TPD52: variants seen among roughly 807,000 people sequenced by gnomAD.
The protein encoded by TPD52 is tumor protein D52, also known as prostate and colon associated protein.
TPD52 carries 17 observed loss-of-function variants against 31.3 expected under a neutral mutation model. That is an observed-to-expected ratio of 0.54 (90% CI 0.37 to 0.82). The LOEUF is 0.82. TPD52 is among the 40% of genes least tolerant of loss of function. TPD52 has a pLI of 0.00. For synonymous variants in TPD52, 83 were observed against 89.6 expected (o/e 0.93, Z 0.42); for missense variants, 212 against 240.1 (o/e 0.88, Z 0.77).
Position 80,166,570 on chromosome 8 carries a change from A to T in TPD52, c.19+4855T>A, listed in dbSNP as rs530642301. Among the ~76,000 whole-genome samples, 225 of 151,434 alleles carry T rather than the reference A, an allele frequency of 1.5e-3. 1 individual carries two copies. The highest frequency in any genetic ancestry group is 5.2e-3 in the African/African-American group (215 of 41,380). On this transcript the variant is annotated intron_variant, in intron 1 of 7. Transcript: ENST00000518937. ...TTTTAAATACATTTAGGGTTTTTTT[A>T]AAAGGGCAAGTTATAAAATGCAATA...
chr8:80,143,287 G>A (rs1279242926), intron 1 of TPD52, among the ~76,000 whole-genome samples: 3 of 152,150 alleles, frequency 2.0e-5, no homozygotes, highest in African/African-American at 7.2e-5. Context: ...TATCCAGAAT[G>A]AGAAGGTCTA....
rs758843111 is a variant in TPD52 at position 80,076,820 on chromosome 8, T to C, written c.20-12227A>G. Among the ~76,000 whole-genome samples, 5 of 152,020 alleles carry C rather than the reference T, an allele frequency of 3.3e-5. 1 individual carries two copies. The South Asian group carries it at 6.2e-4, about 19-fold the overall frequency. On this transcript the variant is annotated intron_variant, in intron 1 of 7. Transcript: ENST00000518937. ...CCAAGTAGCTGGGACCACAGACGTGTGCCACCATGCCCGATTAATTCTTTT... is the reference window on the plus strand; with the variant it reads ...CCAAGTAGCTGGGACCACAGACGTGCGCCACCATGCCCGATTAATTCTTTT...
intron 1 of TPD52, chr8:80,080,506 G>A: frequency 6.2e-7 from 1 of 1,602,498 alleles, no homozygotes; most frequent in Non-Finnish European, 8.5e-7. Context: ...TCAGCCTTCA[G>A]TTGAGTGCCG....
chr8:80,140,978 T>C (rs1278566222), intron 1 of TPD52, among the ~76,000 whole-genome samples: 1 of 151,824 alleles, frequency 6.6e-6, no homozygotes, highest in Non-Finnish European at 1.5e-5. Context: ...TGTGTGTGTG[T>C]GTGTGTAGAA....
Position 80,164,898 on chromosome 8 carries a change from C to CA in TPD52, c.19+6526dup, listed in dbSNP as rs34027501. On this transcript the variant is annotated intron_variant, in intron 1 of 7. Transcript: ENST00000518937. Reference sequence around the variant, plus strand: ...TGGGTGGCAGAGGGAGACAATGTCTCAAAAAAAAAAAAAAAAAAAAAAAAA... The same window carrying CA: ...TGGGTGGCAGAGGGAGACAATGTCTCAAAAAAAAAAAAAAAAAAAAAAAAAA... Among the ~76,000 whole-genome samples the CA allele has an allele frequency of 6.9e-3, 220 of 31,898 alleles. 27 individuals are homozygous for CA. The highest frequency in any genetic ancestry group is 0.011 in the African/African-American group (97 of 9,000). The allele number at this position is 31,898 out of a possible 152,430, so 20.9% of individuals were successfully genotyped here.
At chr8:80,107,672 A>G (rs1348119568) in intron 1 of TPD52, among the ~76,000 whole-genome samples, 1 of 152,180 alleles carries the variant, frequency 6.6e-6, no homozygotes, top group Non-Finnish European at 1.5e-5. Flanking sequence ...GATCTATTCA[A>G]ATTGGTTTGG....
intron 1 of TPD52, among the ~76,000 whole-genome samples, chr8:80,120,172 T>C (rs1197448742): frequency 6.6e-6 from 1 of 151,972 alleles, no homozygotes; most frequent in East Asian, 1.9e-4. Flanking sequence ...CACAACAAAA[T>C]TGGAATTAAA....
At chr8:80,079,063 C>T (rs574766425) in intron 1 of TPD52, among the ~76,000 whole-genome samples, 2 of 152,184 alleles carry the variant, frequency 1.3e-5, no homozygotes, top group Non-Finnish European at 2.9e-5. Context: ...CTCCCTCCCC[C>T]GCAAGTCACT....
At chr8:80,089,275 C>T (rs537725237) in intron 1 of TPD52, among the ~76,000 whole-genome samples, 1 of 152,034 alleles carries the variant, frequency 6.6e-6, no homozygotes, top group African/African-American at 2.4e-5. Flanking sequence ...ACTTGGGTGA[C>T]GGGCAATGAG....
Position 80,037,133 on chromosome 8 carries a change from TA to T in TPD52, c.*982del, listed in dbSNP as rs1226733496. ...AAGAGTTATCACCAACCCCTCAGTA[TA>T]AAAAATTTTCAAGTTATATTAGTCA... On this transcript the variant is annotated 3_prime_UTR_variant, in exon 8 of 8. Transcript: ENST00000518937. 6.5e-6 allele frequency: 1 copy of T among 152,710 alleles called. No homozygotes were observed. The highest frequency in any genetic ancestry group is 1.5e-5 in the Non-Finnish European group (1 of 68,000). The allele number at this position is 152,710 out of a possible 1,614,324, so 9.5% of individuals were successfully genotyped here. A position where few individuals can be genotyped will look rare whatever the true frequency, so the allele number is the denominator to read the frequency against.
Position 80,167,316 on chromosome 8 carries a change from T to C in TPD52, c.19+4109A>G, listed in dbSNP as rs151069852. 3.3e-3 allele frequency among the ~76,000 whole-genome samples: 502 copies of C among 152,350 alleles called. 2 individuals carry two copies. Among genetic ancestry groups the C allele is most frequent in the African/African-American group, 0.011 (451 of 41,582 alleles). On this transcript the variant is annotated intron_variant, in intron 1 of 7. Coordinates refer to ENST00000518937, the MANE Select transcript of TPD52 (RefSeq NM_001025253.3). ...TCTTAGCCTACAACAAAAGACTTAGTAGCACAGAAGTTCCAGGGATTTGGG... is the reference window on the plus strand; with the variant it reads ...TCTTAGCCTACAACAAAAGACTTAGCAGCACAGAAGTTCCAGGGATTTGGG...
chr8:80,134,248 T>C (rs945675074), intron 1 of TPD52, among the ~76,000 whole-genome samples: 2 of 152,204 alleles, frequency 1.3e-5, no homozygotes, highest in African/African-American at 4.8e-5. Flanking sequence ...TACCCAACCC[T>C]ATGAGGGGCA....
chr8:80,064,818 A>G (rs1265779137), intron 1 of TPD52: 2 of 670,076 alleles, frequency 3.0e-6, no homozygotes, highest in Admixed American at 4.1e-5. Flanking sequence ...TTTAGAAAAT[A>G]TAGCATTCTC....
At chr8:80,058,712 C>G (rs760276994) in intron 2 of TPD52, among the ~76,000 whole-genome samples, 2 of 152,128 alleles carry the variant, frequency 1.3e-5, no homozygotes, top group Admixed American at 1.3e-4. Context: ...GCAGGAGAAT[C>G]GCTTGAACCT....
chr8:80,096,117 A>ATGG (rs1372768043), intron 1 of TPD52, among the ~76,000 whole-genome samples: 1 of 152,172 alleles, frequency 6.6e-6, no homozygotes, highest in Non-Finnish European at 1.5e-5. Flanking sequence ...TTAGTTGGGC[A>ATGG]TGGTGGTGTG....
At position 80,163,213 on chromosome 8, in the gene TPD52, G is replaced by A. The variant is rs1811477300; in HGVS notation, c.19+8212C>T. On this transcript the variant is annotated intron_variant, in intron 1 of 7. Coordinates refer to ENST00000518937, the MANE Select transcript of TPD52 (RefSeq NM_001025253.3). ...GCATTATTCACAACAGCCAAGATGT[G>A]GAAGCAACCTTAATTTCCACTGATA... Among the ~76,000 whole-genome samples, 3 of 152,204 alleles carry A rather than the reference G, an allele frequency of 2.0e-5. No homozygotes were observed. In the South Asian group the frequency reaches 6.2e-4, roughly 32 times the overall value.
chr8:80,053,536 G>A (rs1364698876), intron 2 of TPD52, 106 bp from the exon 3 acceptor site: 1 of 1,203,140 alleles, frequency 8.3e-7, no homozygotes, highest in Non-Finnish European at 1.2e-6. Context: ...ACATTTTTTT[G>A]AATCATTTAT....
chr8:80,037,620 AGCTAGTAGTTCTTTCCTT>A lies in TPD52; in HGVS notation c.*478_*495del, dbSNP rs1809999456. ...ATGCTTATTCCAAAATATTTTTTGTAGCTAGTAGTTCTTTCCTTGGAGGTAAAGAAAATACACCCAAAC... is the reference window on the plus strand; with the variant it reads ...ATGCTTATTCCAAAATATTTTTTGTAGGAGGTAAAGAAAATACACCCAAAC... On this transcript the variant is annotated 3_prime_UTR_variant, in exon 8 of 8. Coordinates refer to ENST00000518937, the MANE Select transcript of TPD52 (RefSeq NM_001025253.3). 1 of 152,386 alleles carries A rather than the reference AGCTAGTAGTTCTTTCCTT, an allele frequency of 6.6e-6. No individual in the cohort carries two copies. 9.4% of individuals were successfully genotyped at this position (152,386 alleles called of 1,614,324 possible).
At chr8:80,084,591 T>G (rs1297325917) in intron 1 of TPD52, among the ~76,000 whole-genome samples, 2 of 152,210 alleles carry the variant, frequency 1.3e-5, no homozygotes, top group African/African-American at 2.4e-5. Flanking sequence ...CCAGCTACCC[T>G]GGGCTTCCCA....
Sources: gnomAD v4.1 joint callset for allele counts (sites outside exome capture counted in the v4.1 genomes callset) on GRCh38, gnomAD v4.1.1 for gene constraint, MANE v1.5 for transcripts, NCBI Gene and HGNC (gene_info 2026-07-23, HGNC 2026-07-21) for gene names.